SRRM1: variants seen among roughly 807,000 people sequenced by gnomAD.
The protein encoded by SRRM1 is serine and arginine repetitive matrix 1.
In SRRM1, 19 loss-of-function variants were observed where a neutral mutation model predicts 110.2. That is an observed-to-expected ratio of 0.17 (90% CI 0.12 to 0.25). SRRM1 has a LOEUF of 0.25. SRRM1 is among the 10% of genes least tolerant of loss of function. SRRM1 has a pLI of 1.00. For synonymous variants in SRRM1, 443 were observed against 414.9 expected (o/e 1.07, Z -0.82); for missense variants, 918 against 1,145.8 (o/e 0.80, Z 2.87).
rs1275433173 is a variant in SRRM1, at chr1:24,670,133, A to C, written c.2218A>C (p.Ser740Arg). 3.0e-5 allele frequency: 47 copies of C among 1,587,418 alleles called. No individual in the cohort carries two copies. Among genetic ancestry groups the C allele is most frequent in the Non-Finnish European group, 3.8e-5 (44 of 1,170,080 alleles). ...PKKIKKAASP[S>R]PQSVRRVSSS... ...CTTTTTGTCTAGGGCTGCTTCCCCA[A>C]GCCCACAGTCTGTAAGAAGGGTCTC... is the stretch of plus-strand genomic sequence containing the variant. The change falls in exon 15 of 17, where the codon AGC becomes CGC. Residue 740 changes from serine (S) to arginine (R), a missense_variant. Physicochemically the swap from Ser to Arg is moderately radical, Grantham distance 110. Coordinates refer to ENST00000323848, the MANE Select transcript of SRRM1 (RefSeq NM_005839.4).
intron 9 of SRRM1, 142 bp downstream of exon 9, chr1:24,655,271 G>A (rs1284312355): frequency 2.5e-5 from 25 of 1,011,748 alleles, no homozygotes; most frequent in Non-Finnish European, 3.1e-5. Context: ...TTACTTATAA[G>A]CCTACCTCTT....
At chr1:24,663,326 G>A (rs999407728) in intron 12 of SRRM1, 5 of 841,778 alleles carry the variant, frequency 5.9e-6, no homozygotes, top group Non-Finnish European at 8.8e-6. Context: ...ATATATGGTG[G>A]CTGTGGCTGT....
At chr1:24,645,098 G>C (rs746458697) in intron 1 of SRRM1, among the ~76,000 whole-genome samples, 4 of 152,180 alleles carry the variant, frequency 2.6e-5, no homozygotes, top group Non-Finnish European at 5.9e-5. Context: ...CCACATGCCA[G>C]ATACTTTACA....
At chr1:24,652,688 A>G in intron 7 of SRRM1, 60 bp downstream of exon 7, 7 of 1,432,080 alleles carry the variant, frequency 4.9e-6, no homozygotes, top group Non-Finnish European at 6.6e-6. Context: ...TCTACTGGGT[A>G]CAATTAGATA....
intron 1 of SRRM1, among the ~76,000 whole-genome samples, chr1:24,645,236 C>T (rs1557642867): frequency 1.3e-5 from 2 of 152,144 alleles, no homozygotes; most frequent in South Asian, 2.1e-4. Context: ...TAAGTAGTGG[C>T]ACAGTTTTTA....
At chr1:24,667,283 C>A (rs1054064342) in intron 13 of SRRM1, among the ~76,000 whole-genome samples, 5 of 152,130 alleles carry the variant, frequency 3.3e-5, no homozygotes, top group Non-Finnish European at 5.9e-5. Flanking sequence ...ATACTAAAAT[C>A]ATTTAATTGT....
intron 3 of SRRM1, chr1:24,648,567 A>G (rs1347889832): frequency 4.1e-6 from 1 of 244,396 alleles, no homozygotes; most frequent in African/African-American, 2.2e-5. Context: ...TAATAAATGT[A>G]AGGCCCACTA....
At chr1:24,651,815 G>A (rs988706741) in intron 6 of SRRM1, among the ~76,000 whole-genome samples, 1 of 151,546 alleles carries the variant, frequency 6.6e-6, no homozygotes, top group Admixed American at 6.6e-5. Context: ...TCTTTTGGTT[G>A]TATTGTTTCA....
At chr1:24,659,713 G>A (rs17256974) in intron 9 of SRRM1, among the ~76,000 whole-genome samples, 1,568 of 152,240 alleles carry the variant, frequency 0.01, 19 homozygotes, top group Non-Finnish European at 0.017. Context: ...TTCCTCTCTT[G>A]TGAAATGGAA....
At chr1:24,663,259 A>C in intron 12 of SRRM1, 1 of 1,463,788 alleles carries the variant, frequency 6.8e-7, no homozygotes. Flanking sequence ...TTAGGGTTAC[A>C]TGTCAAAAAT....
At chr1:24,644,281 C>T (rs1248165135) in intron 1 of SRRM1, among the ~76,000 whole-genome samples, 6 of 152,298 alleles carry the variant, frequency 3.9e-5, no homozygotes, top group African/African-American at 1.4e-4. Flanking sequence ...GAAATTAGTA[C>T]TAGATCAAGA....
chr1:24,664,036 C>T (rs1668644039), intron 12 of SRRM1, among the ~76,000 whole-genome samples: 1 of 140,852 alleles, frequency 7.1e-6, no homozygotes, highest in South Asian at 2.3e-4. Flanking sequence ...GGCTCTATCA[C>T]CCAGGCTGGG....
In SRRM1 at chr1:24,672,167, T is replaced by C; in HGVS notation, c.2611-15T>C. Reference sequence around the variant, plus strand: ...GGGTCTCAAGACTTAACCGTGTAAATTCTGTTTTTTTTAGGAGACTGAAAG... The same window carrying C: ...GGGTCTCAAGACTTAACCGTGTAAACTCTGTTTTTTTTAGGAGACTGAAAG... On this transcript the variant is annotated splice_polypyrimidine_tract_variant and intron_variant, in intron 16 of 16. Coordinates refer to ENST00000323848, the MANE Select transcript of SRRM1 (RefSeq NM_005839.4). The C allele has an allele frequency of 6.3e-7, 1 of 1,595,578 alleles. No individual in the cohort carries two copies. The highest frequency in any genetic ancestry group is 1.1e-5 in the South Asian group (1 of 89,122).
chr1:24,669,645 A>C, intron 14 of SRRM1, 58 bp downstream of exon 14: 1 of 1,302,872 alleles, frequency 7.7e-7, no homozygotes. Context: ...TATATTTGGA[A>C]GCTTCCCCCC....
At chr1:24,666,671 G>A (rs1670144337) in intron 12 of SRRM1, 144 bp from the exon 13 acceptor site, 3 of 596,566 alleles carry the variant, frequency 5.0e-6, no homozygotes, top group South Asian at 2.0e-5. Context: ...AGGCTGAGGG[G>A]GGAGAATTGC....
chr1:24,650,756 C>T (rs549978326), intron 5 of SRRM1: 21 of 152,226 alleles, frequency 1.4e-4, no homozygotes, highest in African/African-American at 4.6e-4. Context: ...ACTAAAATCT[C>T]CTTATGGAAG....
At chr1:24,654,479 A>G (rs1436341790) in intron 8 of SRRM1, 2 of 738,728 alleles carry the variant, frequency 2.7e-6, no homozygotes, top group Non-Finnish European at 3.9e-6. Flanking sequence ...AGGTTTCTCA[A>G]CATTGTGTTA....
At chr1:24,670,396 AT>A in intron 15 of SRRM1, 81 bp downstream of exon 15, 1 of 1,371,222 alleles carries the variant, frequency 7.3e-7, no homozygotes, top group Non-Finnish European at 9.8e-7. Context: ...TCATTGGGGC[AT>A]TAAAATATTG....
chr1:24,655,205 C>A, intron 9 of SRRM1, 76 bp downstream of exon 9: 2 of 1,486,176 alleles, frequency 1.3e-6, no homozygotes, highest in South Asian at 1.2e-5. Context: ...GCCCCCTGCT[C>A]ACTCTCAAAG....
Sources: allele counts gnomAD v4.1 joint callset (sites outside exome capture counted in the v4.1 genomes callset), GRCh38; gene constraint gnomAD v4.1.1; transcripts MANE v1.5; gene names NCBI Gene and HGNC (gene_info 2026-07-23, HGNC 2026-07-21).